GNG2: variants seen among roughly 807,000 people sequenced by gnomAD.
GNG2 encodes the protein guanine nucleotide-binding protein G(I)/G(S)/G(O) subunit gamma-2.
Under a neutral mutation model 5.5 loss-of-function variants are expected in GNG2, and 5 were observed. The observed-to-expected ratio is 0.91, with a 90% CI of 0.48 to 1.92. The LOEUF is 1.92. GNG2 is among the 30% of genes most tolerant of loss of function. The probability of loss-of-function intolerance (pLI) is 0.01; values close to 1 mark genes in which losing one functional copy is unlikely to be tolerated. For synonymous variants in GNG2, 28 were observed against 32.0 expected, an observed-to-expected ratio of 0.88 and a Z score of 0.42; for missense variants, 55 against 88.4, an observed-to-expected ratio of 0.62 and a Z score of 1.52.
rs192807792 is a variant in GNG2, at chr14:51,876,152, T to C, written c.-70-1465T>C. ...ATATGTCTCGCTCTGTTGCCCAGGCTGGTCTCAAACTCCTGGACACAAGTG... is the reference window on the plus strand; with the variant it reads ...ATATGTCTCGCTCTGTTGCCCAGGCCGGTCTCAAACTCCTGGACACAAGTG... On this transcript the variant is annotated intron_variant, in intron 1 of 3. Coordinates refer to ENST00000556766, the MANE Select transcript of GNG2 (RefSeq NM_053064.5). Among the ~76,000 whole-genome samples, 5 of 152,268 alleles carry C rather than the reference T, an allele frequency of 3.3e-5. No individual in the cohort carries two copies. The East Asian group carries it at 9.6e-4, about 29-fold the overall frequency.
intron 2 of GNG2, among the ~76,000 whole-genome samples, chr14:51,932,271 A>AAAAAAAAAAAAAAAAAAAG (rs60014306): frequency 3.1e-5 from 3 of 96,360 alleles, no homozygotes; most frequent in Non-Finnish European, 6.1e-5. Flanking sequence ...AAAAAAAAAA[A>AAAAAAAAAAAAAAAAAAAG]AGAAAAGAAA....
rs2357241 is a variant in GNG2 at position 51,839,301 on chromosome 14, G to A, written c.64+11494G>A. Reference sequence around the variant, plus strand: ...GGAAAGGTGGGTCAACTTGAAGCAGGGAGGAGGCTTCCAGGTCATAAGTAG... The same window carrying A: ...GGAAAGGTGGGTCAACTTGAAGCAGAGAGGAGGCTTCCAGGTCATAAGTAG... On this transcript the variant is annotated intron_variant, in intron 2 of 3. Transcript: ENST00000553432. Among the ~76,000 whole-genome samples, 1,331 of 152,290 alleles carry A rather than the reference G, an allele frequency of 8.7e-3. 61 individuals are homozygous for A. The highest frequency in any genetic ancestry group is 0.076 in the Admixed American group (1,164 of 15,280).
rs1888924993 is a variant in GNG2 at position 51,950,751 on chromosome 14, A to G, written c.73A>G (p.Ile25Val). The G allele has an allele frequency of 4.4e-6, 7 of 1,606,844 alleles. No homozygotes were observed. Among genetic ancestry groups the G allele is most frequent in the African/African-American group, 1.3e-5 (1 of 74,516 alleles). The part of the protein sequence containing the change: ...LVEQLKMEAN[I>V]DRIKVSKAAA... ...AGAGCAGCTTAAGATGGAAGCCAAT[A>G]TCGACAGGATAAAGGTGAGGATGGT... Residue 25 changes from isoleucine (I) to valine (V), a missense_variant, in exon 3 of 4, where the codon ATC (isoleucine) becomes GTC (valine). Coordinates refer to ENST00000556766, the MANE Select transcript of GNG2 (RefSeq NM_053064.5).
At chr14:51,964,695 TA>T (rs1889797387) in intron 3 of GNG2, among the ~76,000 whole-genome samples, 1 of 152,122 alleles carries the variant, frequency 6.6e-6, no homozygotes, top group South Asian at 2.1e-4. Flanking sequence ...ACCCAACCAG[TA>T]AATCATAAAG....
At chr14:51,936,117 T>C (rs1220218580) in intron 2 of GNG2, among the ~76,000 whole-genome samples, 1 of 152,162 alleles carries the variant, frequency 6.6e-6, no homozygotes, top group African/African-American at 2.4e-5. Context: ...TAAAACACAG[T>C]GCCACTCTGG....
intron 2 of GNG2, among the ~76,000 whole-genome samples, chr14:51,920,524 A>G (rs1031050970): frequency 1.3e-5 from 2 of 152,144 alleles, no homozygotes; most frequent in Admixed American, 6.5e-5. Context: ...TTACGGATAC[A>G]GAAGGCAGAA....
At chr14:51,866,004 A>C (rs904307405) in intron 1 of GNG2, among the ~76,000 whole-genome samples, 22 of 152,148 alleles carry the variant, frequency 1.4e-4, no homozygotes, top group African/African-American at 5.3e-4. Context: ...TGTTTCTTAG[A>C]AGTGGTACTA....
chr14:51,866,230 A>G (rs1473670151), intron 1 of GNG2, among the ~76,000 whole-genome samples: 1 of 152,196 alleles, frequency 6.6e-6, no homozygotes, highest in Non-Finnish European at 1.5e-5. Flanking sequence ...TCAGAGGTAG[A>G]GGAGAGGGGC....
At chr14:51,866,647 C>T (rs189605992) in intron 1 of GNG2, among the ~76,000 whole-genome samples, 18 of 152,300 alleles carry the variant, frequency 1.2e-4, no homozygotes, top group African/African-American at 1.7e-4. Context: ...TGGCAAAGGC[C>T]GTGGACAGCA....
chr14:51,931,836 T>C (rs1388227513), intron 2 of GNG2, among the ~76,000 whole-genome samples: 1 of 152,218 alleles, frequency 6.6e-6, no homozygotes, highest in African/African-American at 2.4e-5. Flanking sequence ...TCTGGGTATG[T>C]ATCAAAAGAA....
intron 1 of GNG2, among the ~76,000 whole-genome samples, chr14:51,862,118 T>C (rs1430208335): frequency 6.6e-6 from 1 of 152,216 alleles, no homozygotes; most frequent in African/African-American, 2.4e-5. Flanking sequence ...AATGCTATCT[T>C]TATGAAATCG....
intron 2 of GNG2, among the ~76,000 whole-genome samples, chr14:51,944,732 T>C (rs1484652094): frequency 6.6e-6 from 1 of 152,202 alleles, no homozygotes; most frequent in Non-Finnish European, 1.5e-5. Flanking sequence ...CTTCATGACA[T>C]TGAATTTGTA....
At chr14:51,873,617 G>GA (rs1883451165) in intron 1 of GNG2, among the ~76,000 whole-genome samples, 1 of 152,092 alleles carries the variant, frequency 6.6e-6, no homozygotes, top group Non-Finnish European at 1.5e-5. Flanking sequence ...ATTCTCTTGG[G>GA]AAAAAGGGGA....
chr14:51,908,873 C>T (rs574884360), intron 2 of GNG2, among the ~76,000 whole-genome samples: 71 of 151,732 alleles, frequency 4.7e-4, no homozygotes, highest in African/African-American at 1.6e-3. Flanking sequence ...GCCACCGCAC[C>T]CAGCCTAAAG....
At chr14:51,946,499 T>C (rs1594948075) in intron 2 of GNG2, among the ~76,000 whole-genome samples, 3 of 152,006 alleles carry the variant, frequency 2.0e-5, no homozygotes, top group Admixed American at 2.0e-4. Flanking sequence ...TAAAAAACCA[T>C]TGGGTGGAAA....
chr14:51,944,802 G>A (rs1888545553), intron 2 of GNG2, among the ~76,000 whole-genome samples: 1 of 152,166 alleles, frequency 6.6e-6, no homozygotes, highest in Admixed American at 6.5e-5. Flanking sequence ...TCCATAAAAT[G>A]TAAAACTTTT....
chr14:51,941,734 G>T (rs1055890956), intron 2 of GNG2, among the ~76,000 whole-genome samples: 4 of 152,210 alleles, frequency 2.6e-5, no homozygotes, highest in Admixed American at 2.0e-4. Context: ...TAACAGAAAA[G>T]TTCCTTCTGA....
At chr14:51,889,731 A>G (rs1884720335) in intron 2 of GNG2, among the ~76,000 whole-genome samples, 1 of 152,228 alleles carries the variant, frequency 6.6e-6, no homozygotes, top group South Asian at 2.1e-4. Context: ...TAGCATTAGA[A>G]AATAAAAATG....
intron 2 of GNG2, among the ~76,000 whole-genome samples, chr14:51,936,784 C>G (rs1738216385): frequency 6.6e-6 from 1 of 152,090 alleles, no homozygotes; most frequent in South Asian, 2.1e-4. Flanking sequence ...TACAAGGGAT[C>G]CTCTCATCTC....
Sources: allele counts gnomAD v4.1 joint callset (sites outside exome capture counted in the v4.1 genomes callset), GRCh38; gene constraint gnomAD v4.1.1; transcripts MANE v1.5; gene names NCBI Gene and HGNC (gene_info 2026-07-23, HGNC 2026-07-21).